Variants in POGK observed in about 807,000 individuals in gnomAD.
POGK encodes the protein pogo transposable element derived with KRAB domain, also known as pogo transposable element with KRAB domain.
Under a neutral mutation model 54.4 loss-of-function variants are expected in POGK, and 16 were observed. The ratio of observed to expected loss-of-function variants is 0.29; its 90% CI spans 0.20 to 0.45. The LOEUF (loss-of-function observed/expected upper bound fraction) is 0.45, where lower values mean the gene tolerates loss of function less well. POGK is among the 20% of genes least tolerant of loss of function. The pLI is 1.00. For synonymous variants in POGK, 271 were observed against 302.2 expected (o/e 0.90, Z 1.07); for missense variants, 515 against 795.6 (o/e 0.65, Z 4.24).
At position 166,855,236 on chromosome 1, in the gene POGK, T is replaced by C. The variant is rs1189902028; in HGVS notation, c.*2666T>C. 1.3e-5 allele frequency: 2 copies of C among 152,218 alleles called. No homozygotes were observed. Among genetic ancestry groups the C allele is most frequent in the Non-Finnish European group, 2.9e-5 (2 of 68,048 alleles). 9.4% of individuals were successfully genotyped at this position (152,218 alleles called of 1,614,324 possible). A position where few individuals can be genotyped will look rare whatever the true frequency, so the allele number is the denominator to read the frequency against. ...AAAATACAGCCAGCTTTATCACACCTGGTTTTGCACAGTGATAAATTCCTG... is the reference window on the plus strand; with the variant it reads ...AAAATACAGCCAGCTTTATCACACCCGGTTTTGCACAGTGATAAATTCCTG... On this transcript the variant is annotated 3_prime_UTR_variant, in exon 6 of 6. Transcript: ENST00000367876.
chr1:166,854,019 C>T lies in POGK; in HGVS notation c.*1449C>T, dbSNP rs867106582. Reference sequence around the variant, plus strand: ...CTTTGCATTCCAGAAGTTTCCATTCCCTCCAATTCCACCTAATTTTTCATC... The same window carrying T: ...CTTTGCATTCCAGAAGTTTCCATTCTCTCCAATTCCACCTAATTTTTCATC... On this transcript the variant is annotated 3_prime_UTR_variant, in exon 6 of 6. Coordinates refer to ENST00000367876, the MANE Select transcript of POGK (RefSeq NM_017542.5). 6.6e-6 allele frequency: 1 copy of T among 152,336 alleles called. No individual in the cohort carries two copies. The highest frequency in any genetic ancestry group is 2.1e-4 in the South Asian group (1 of 4,822). The allele number at this position is 152,336 out of a possible 1,614,324, so 9.4% of individuals were successfully genotyped here.
chr1:166,850,674 G>A (rs1263388005), intron 5 of POGK: 3 of 408,936 alleles, frequency 7.3e-6, no homozygotes, highest in Non-Finnish European at 8.7e-6. Flanking sequence ...TGTCACAGCA[G>A]CGGCATTAGA....
chr1:166,846,411 C>A (rs1025287975), intron 2 of POGK, among the ~76,000 whole-genome samples: 1 of 152,160 alleles, frequency 6.6e-6, no homozygotes, highest in Non-Finnish European at 1.5e-5. Context: ...CTGTGGTGGG[C>A]ACAGAAGGAC....
At position 166,839,524 on chromosome 1, in the gene POGK, A is replaced by C. The variant is rs1298199089; in HGVS notation, c.-83A>C. 6.6e-6 allele frequency: 1 copy of C among 151,226 alleles called. No individual in the cohort carries two copies. The highest frequency in any genetic ancestry group is 1.5e-5 in the Non-Finnish European group (1 of 67,752). 9.4% of individuals were successfully genotyped at this position (151,226 alleles called of 1,614,324 possible). A position where few individuals can be genotyped will look rare whatever the true frequency, so the allele number is the denominator to read the frequency against. On this transcript the variant is annotated 5_prime_UTR_variant, in exon 1 of 6. Transcript: ENST00000367876. The stretch of plus-strand genomic sequence containing the variant: ...AGGGGCCGCGCGCACGGGAGGACGG[A>C]GAGGCGGAAAGGATGGCGCTGTGAC...
intron 2 of POGK, among the ~76,000 whole-genome samples, chr1:166,846,209 G>T (rs1444534344): frequency 6.6e-6 from 1 of 152,158 alleles, no homozygotes; most frequent in East Asian, 1.9e-4. Context: ...GGAATTGGGG[G>T]TGCTTGTGTT....
rs1334544046 is a variant in POGK at position 166,853,235 on chromosome 1, G to GT, written c.*667dup. On this transcript the variant is annotated 3_prime_UTR_variant, in exon 6 of 6. Coordinates refer to ENST00000367876, the MANE Select transcript of POGK (RefSeq NM_017542.5). Reference sequence around the variant, plus strand: ...AACTAGGTTAGTGTGGAAGATATAGGTTAAAATAAACTATGCTGTTTTATT... The same window carrying GT: ...AACTAGGTTAGTGTGGAAGATATAGGTTTAAAATAAACTATGCTGTTTTATT... 1 of 152,650 alleles carries GT rather than the reference G, an allele frequency of 6.6e-6. No homozygotes were observed. The highest frequency in any genetic ancestry group is 1.5e-5 in the Non-Finnish European group (1 of 68,044). 9.5% of individuals were successfully genotyped at this position (152,650 alleles called of 1,614,324 possible).
rs1351515510 is a variant in POGK, at chr1:166,853,981, C to G, written c.*1411C>G. On this transcript the variant is annotated 3_prime_UTR_variant, in exon 6 of 6. Transcript: ENST00000367876. The stretch of plus-strand genomic sequence containing the variant: ...TATTCTTGGTCATCTCAAATGGCGT[C>G]TAAACCCAGCTACTTTGCATTCCAG... The G allele has an allele frequency of 6.6e-6, 1 of 152,240 alleles. No homozygotes were observed. The highest frequency in any genetic ancestry group is 1.5e-5 in the Non-Finnish European group (1 of 68,046). 9.4% of individuals were successfully genotyped at this position (152,240 alleles called of 1,614,324 possible).
At chr1:166,842,724 CTT>C (rs1374271606) in intron 2 of POGK, among the ~76,000 whole-genome samples, 3 of 152,098 alleles carry the variant, frequency 2.0e-5, no homozygotes, top group Non-Finnish European at 4.4e-5. Flanking sequence ...TCTGGAAACA[CTT>C]TTGTTGGTCT....
rs1657380522 is a variant in POGK at position 166,839,580 on chromosome 1, C to T, written c.-27C>T. On this transcript the variant is annotated 5_prime_UTR_variant, in exon 1 of 6. Transcript: ENST00000367876. ...GGCCGGAGCCCTCGCGTCCCCACCC[C>T]GCGCCCTGGCCGCTGGGCCCGGCGG... is the stretch of plus-strand genomic sequence containing the variant. 1 of 149,048 alleles carries T rather than the reference C, an allele frequency of 6.7e-6. No homozygotes were observed. The highest frequency in any genetic ancestry group is 1.5e-5 in the Non-Finnish European group (1 of 67,016). 9.2% of individuals were successfully genotyped at this position (149,048 alleles called of 1,614,324 possible). A position where few individuals can be genotyped will look rare whatever the true frequency, so the allele number is the denominator to read the frequency against.
chr1:166,849,343 A>G lies in POGK; in HGVS notation c.764A>G (p.Lys255Arg), dbSNP rs2101764205. ...HAMRRAFRGPKNGRFALVDQR... is the reference protein window; with the variant it reads ...HAMRRAFRGPRNGRFALVDQR... ...ATGCGGCGGGCATTCCGAGGCCCCA[A>G]GAATGGGAGGTTTGCTCTGGTGGAC... The change falls in exon 5 of 6, where the codon AAG (lysine) becomes AGG (arginine). Residue 255 changes from lysine (K) to arginine (R), a missense_variant. Lys to Arg is a conservative substitution (Grantham distance 26, BLOSUM62 2). Around this residue, in one of 2 missense-constraint regions of POGK, gnomAD observed 461 missense variants for 743.5 expected, o/e 0.62. Transcript: ENST00000367876. The G allele has an allele frequency of 3.1e-6, 5 of 1,614,186 alleles. No individual in the cohort carries two copies. Among genetic ancestry groups the G allele is most frequent in the Middle Eastern group, 1.6e-4 (1 of 6,062 alleles).
rs369637567 is a variant in POGK at position 166,852,557 on chromosome 1, A to T, written c.*15-28A>T. 4 of 152,364 alleles carry T rather than the reference A, an allele frequency of 2.6e-5. No homozygotes were observed. The East Asian group carries it at 7.7e-4, about 29-fold the overall frequency. 9.4% of individuals were successfully genotyped at this position (152,364 alleles called of 1,614,324 possible). ...AGTTATACCAAAAAGCCAAGGGTTA[A>T]TTCATTTAGGTTCTCTCTGTTTTCC... is the stretch of plus-strand genomic sequence containing the variant. On this transcript the variant is annotated intron_variant, in intron 5 of 5. Transcript: ENST00000367876.
chr1:166,842,028 A>G (rs1657539240), intron 2 of POGK, among the ~76,000 whole-genome samples: 1 of 151,736 alleles, frequency 6.6e-6, no homozygotes, highest in African/African-American at 2.4e-5. Flanking sequence ...CAGTGCAACC[A>G]CAGGCTCTCA....
In POGK at chr1:166,852,828, C is replaced by G. The variant is rs1658127543; in HGVS notation, c.*258C>G. 1 of 152,220 alleles carries G rather than the reference C, an allele frequency of 6.6e-6. No individual in the cohort carries two copies. The highest frequency in any genetic ancestry group is 2.4e-5 in the African/African-American group (1 of 41,456). The allele number at this position is 152,220 out of a possible 1,614,324, so 9.4% of individuals were successfully genotyped here. On this transcript the variant is annotated 3_prime_UTR_variant, in exon 6 of 6. Coordinates refer to ENST00000367876, the MANE Select transcript of POGK (RefSeq NM_017542.5). ...ATCAGAGACATGATCAGAAAAGAAACTGCTTCTGCCCCATTTCTTGTTTTG... is the reference window on the plus strand; with the variant it reads ...ATCAGAGACATGATCAGAAAAGAAAGTGCTTCTGCCCCATTTCTTGTTTTG...
chr1:166,849,806 G>A lies in POGK; in HGVS notation c.1227G>A (p.Arg409=). The change falls in exon 5 of 6, where the codon AGG becomes AGA. Residue 409 remains arginine, a synonymous_variant. Transcript: ENST00000367876. Reference sequence around the variant, plus strand: ...TGCTTGGTGTCTTGGCTGATGGGAGGAAGTTACCACCGTACATCATTTTGA... The same window carrying A: ...TGCTTGGTGTCTTGGCTGATGGGAGAAAGTTACCACCGTACATCATTTTGA... ...TAMLGVLADG[R]KLPPYIILRG... is the part of the protein sequence containing the mutation. 1 of 1,614,256 alleles carries A rather than the reference G, an allele frequency of 6.2e-7. No homozygotes were observed.
At position 166,854,639 on chromosome 1, in the gene POGK, CAG is replaced by C. The variant is rs1342760342; in HGVS notation, c.*2070_*2071del. ...AGTAATATTGGTATCTGTGAAGACA[CAG>C]GGAAGAACGTGTGCAGTGGGGCAAG... is the stretch of plus-strand genomic sequence containing the variant. On this transcript the variant is annotated 3_prime_UTR_variant, in exon 6 of 6. Coordinates refer to ENST00000367876, the MANE Select transcript of POGK (RefSeq NM_017542.5). The C allele has an allele frequency of 1.3e-5, 2 of 152,162 alleles. No homozygotes were observed. The highest frequency in any genetic ancestry group is 4.8e-5 in the African/African-American group (2 of 41,422). 9.4% of individuals were successfully genotyped at this position (152,162 alleles called of 1,614,324 possible).
intron 5 of POGK, 44 bp downstream of exon 5, chr1:166,850,467 C>A: frequency 6.6e-7 from 1 of 1,523,972 alleles, no homozygotes; most frequent in South Asian, 1.3e-5. Flanking sequence ...GCTGACATGT[C>A]TGTGTTCTAC....
chr1:166,840,886 TC>T, intron 1 of POGK, 68 bp from the exon 2 acceptor site: 1 of 1,586,042 alleles, frequency 6.3e-7, no homozygotes, highest in Non-Finnish European at 8.6e-7. Context: ...TGGCTCAGCC[TC>T]CCCCATCATA....
At position 166,849,052 on chromosome 1, in the gene POGK, T is replaced by A. The variant is rs144587246; in HGVS notation, c.473T>A (p.Ile158Asn). 9 of 1,614,186 alleles carry A rather than the reference T, an allele frequency of 5.6e-6. No homozygotes were observed. In the East Asian group the frequency reaches 2.0e-4, roughly 36 times the overall value. ...TTTGGCCTCCGTCTGCCTCGGGATA[T>A]CACAGAGCTGCCCGAGTGGAGTGAG... is the stretch of plus-strand genomic sequence containing the variant. ...DSFGLRLPRD[I>N]TELPEWSEGY... The change falls in exon 5 of 6, where the codon ATC becomes AAC. Residue 158 changes from isoleucine to asparagine, a missense_variant. This residue lies in a region of POGK where 461 missense variants were observed against 743.5 expected (regional missense o/e 0.62). Coordinates refer to ENST00000367876, the MANE Select transcript of POGK (RefSeq NM_017542.5).
rs1430648081 is a variant in POGK at position 166,853,395 on chromosome 1, A to C, written c.*825A>C. The C allele has an allele frequency of 6.6e-6, 1 of 152,634 alleles. No individual in the cohort carries two copies. Among genetic ancestry groups the C allele is most frequent in the Admixed American group, 6.5e-5 (1 of 15,284 alleles). The allele number at this position is 152,634 out of a possible 1,614,324, so 9.5% of individuals were successfully genotyped here. A position where few individuals can be genotyped will look rare whatever the true frequency, so the allele number is the denominator to read the frequency against. ...TGTTTCTCAGGCTGCCTGCAGAAGA[A>C]GTCGCTATAAATTATCTGTTGTCTA... On this transcript the variant is annotated 3_prime_UTR_variant, in exon 6 of 6. Coordinates refer to ENST00000367876, the MANE Select transcript of POGK (RefSeq NM_017542.5).
Sources: gnomAD v4.1 joint callset for allele counts (sites outside exome capture counted in the v4.1 genomes callset) on GRCh38, gnomAD v4.1.1 for gene constraint, gnomAD v4.1.1 regional missense constraint, MANE v1.5 for transcripts, NCBI Gene and HGNC (gene_info 2026-07-23, HGNC 2026-07-21) for gene names.